NRCAM: variants seen among roughly 807,000 people sequenced by gnomAD.
NRCAM encodes the protein neuronal cell adhesion molecule, also known as NgCAM-related cell adhesion molecule.
In NRCAM, 83 loss-of-function variants were observed where a neutral mutation model predicts 156.5. The observed-to-expected ratio is 0.53, with a 90% confidence interval of 0.44 to 0.64. The LOEUF is 0.64. Among genes scored for constraint, NRCAM ranks in the 30% least tolerant of loss-of-function variants. The probability of loss-of-function intolerance (pLI) is 0.00; values close to 1 mark genes in which losing one functional copy is unlikely to be tolerated. For missense variants in NRCAM, 1,417 were observed against 1,597.3 expected, an observed-to-expected ratio of 0.89 and a Z score of 1.92; for synonymous variants, 538 against 563.9, an observed-to-expected ratio of 0.95 and a Z score of 0.65.
chr7:108,231,202 CA>C, intron 7 of NRCAM, 49 bp from the exon 8 acceptor site: 1 of 1,426,150 alleles, frequency 7.0e-7, no homozygotes, highest in Non-Finnish European at 9.4e-7. Context: ...TTGAAAAGTA[CA>C]AAAAGAAAGC....
chr7:108,169,019 A>G (rs1421638361), intron 28 of NRCAM, among the ~76,000 whole-genome samples: 1 of 152,232 alleles, frequency 6.6e-6, no homozygotes, highest in African/African-American at 2.4e-5. Flanking sequence ...GAGAAGCTGC[A>G]AAAGGAATTT....
intron 3 of NRCAM, among the ~76,000 whole-genome samples, chr7:108,260,637 G>A (rs1409841408): frequency 1.3e-5 from 2 of 152,130 alleles, no homozygotes; most frequent in Non-Finnish European, 2.9e-5. Flanking sequence ...TCTGGATTGT[G>A]CATTCCAGAG....
intron 3 of NRCAM, among the ~76,000 whole-genome samples, chr7:108,276,935 G>A (rs1356118605): frequency 3.3e-5 from 5 of 152,154 alleles, no homozygotes; most frequent in Non-Finnish European, 7.3e-5. Context: ...GCCTGGTGGT[G>A]ACAAAATCTC....
At chr7:108,402,066 C>T (rs2099794273) in intron 1 of NRCAM, among the ~76,000 whole-genome samples, 1 of 152,196 alleles carries the variant, frequency 6.6e-6, no homozygotes, top group Admixed American at 6.5e-5. Flanking sequence ...AAGTTCAGCT[C>T]AGGCAGCCAT....
At chr7:108,337,576 A>C (rs111680690) in intron 2 of NRCAM, among the ~76,000 whole-genome samples, 2,879 of 152,268 alleles carry the variant, frequency 0.019, 101 homozygotes, top group African/African-American at 0.064. Context: ...GTTCATCCTA[A>C]TTGAGCTGAA....
chr7:108,356,636 G>A (rs2099501177), intron 2 of NRCAM, among the ~76,000 whole-genome samples: 1 of 152,114 alleles, frequency 6.6e-6, no homozygotes, highest in African/African-American at 2.4e-5. Flanking sequence ...ACAGCCTGCC[G>A]AAATACAGCT....
chr7:108,156,896 A>G (rs2045831218), intron 32 of NRCAM, among the ~76,000 whole-genome samples: 1 of 152,298 alleles, frequency 6.6e-6, no homozygotes, highest in African/African-American at 2.4e-5. Context: ...AACTGTTTTC[A>G]TTAATTACAG....
At chr7:108,311,659 G>GT (rs1448680635) in intron 3 of NRCAM, among the ~76,000 whole-genome samples, 1 of 152,166 alleles carries the variant, frequency 6.6e-6, no homozygotes, top group African/African-American at 2.4e-5. Flanking sequence ...TTGAAACACT[G>GT]TAAGAACTAG....
intron 2 of NRCAM, among the ~76,000 whole-genome samples, chr7:108,383,140 A>T (rs891081366): frequency 2.1e-5 from 3 of 141,568 alleles, no homozygotes; most frequent in African/African-American, 5.4e-5. Context: ...ACACGCTCTC[A>T]CACACACACA....
chr7:108,387,208 C>A (rs2099743395), intron 2 of NRCAM, among the ~76,000 whole-genome samples: 1 of 152,136 alleles, frequency 6.6e-6, no homozygotes. Context: ...TTTCTTTAAT[C>A]ACTATAGTTT....
Position 108,442,308 on chromosome 7 carries a change from A to C in NRCAM, c.-332+13935T>G, listed in dbSNP as rs149550982. Among the ~76,000 whole-genome samples, 132 of 152,208 alleles carry C rather than the reference A, an allele frequency of 8.7e-4. 1 individual carries two copies. The highest frequency in any genetic ancestry group is 3.1e-3 in the African/African-American group (128 of 41,512). Reference sequence around the variant, plus strand: ...ATACTCTGCCATTCTGTGATGGAGGATCTCTTGGTCACAGGTGTATAACAC... The same window carrying C: ...ATACTCTGCCATTCTGTGATGGAGGCTCTCTTGGTCACAGGTGTATAACAC... On this transcript the variant is annotated intron_variant, in intron 1 of 32. Transcript: ENST00000379028.
Position 108,226,310 on chromosome 7 carries a change from C to G in NRCAM, c.619G>C (p.Val207Leu), listed in dbSNP as rs746432203. ...TCTTCGCGGGTGTCCTCTGGGAGGACATTGGAAAAATAAAGGTCCCCATTC... is the reference window on the plus strand; with the variant it reads ...TCTTCGCGGGTGTCCTCTGGGAGGAGATTGGAAAAATAAAGGTCCCCATTC... The part of the protein sequence containing the change: ...GLNGDLYFSN[V>L]LPEDTREDYI... Residue 207 changes from valine to leucine, a missense_variant, in exon 9 of 33, where the codon GTC (valine) becomes CTC (leucine). Val to Leu is a conservative substitution (Grantham distance 32, BLOSUM62 1). Transcript: ENST00000379028. The G allele has an allele frequency of 6.2e-7, 1 of 1,610,674 alleles. No individual in the cohort carries two copies. Among genetic ancestry groups the G allele is most frequent in the Non-Finnish European group, 8.5e-7 (1 of 1,177,296 alleles).
intron 11 of NRCAM, among the ~76,000 whole-genome samples, chr7:108,210,248 G>T (rs35969299): frequency 0.022 from 1,943 of 88,322 alleles, 42 homozygotes; most frequent in African/African-American, 0.065. Flanking sequence ...CCAATGTTTT[G>T]TTTTGTTTTT....
At chr7:108,216,494 T>C (rs1235644049) in intron 11 of NRCAM, among the ~76,000 whole-genome samples, 2 of 152,210 alleles carry the variant, frequency 1.3e-5, no homozygotes, top group South Asian at 2.1e-4. Flanking sequence ...CTGGATAATA[T>C]CCTGAAAAGT....
intron 3 of NRCAM, among the ~76,000 whole-genome samples, chr7:108,252,460 CA>C (rs2096405389): frequency 6.6e-6 from 1 of 152,174 alleles, no homozygotes; most frequent in Admixed American, 6.5e-5. Flanking sequence ...ACAAGCCTTG[CA>C]GAGAAAACAG....
At chr7:108,227,081 A>G (rs926146) in intron 8 of NRCAM, among the ~76,000 whole-genome samples, 63,518 of 152,102 alleles carry the variant, frequency 0.42, 14,321 homozygotes, top group African/African-American at 0.58. Flanking sequence ...CTCATCATAC[A>G]TATGACTTAT....
rs2064208565 is a variant in NRCAM at position 108,182,698 on chromosome 7, C to A, written c.2527G>T (p.Asp843Tyr). Reference protein sequence around the residue: ...PAVVMGHSGEDLPMVAPGNVR... With the variant: ...PAVVMGHSGEYLPMVAPGNVR... The stretch of plus-strand genomic sequence containing the variant: ...AGTAGGAAATGGCATCACTTACGGT[C>A]TTCTCCAGAATGTCCCATGACTACA... The change falls in exon 23 of 33, where the codon GAC becomes TAC. Residue 843 changes from aspartate to tyrosine, a missense_variant. Physicochemically the swap from Asp to Tyr is radical, Grantham distance 160 (BLOSUM62 -3). Coordinates refer to ENST00000379028, the MANE Select transcript of NRCAM (RefSeq NM_001037132.4). 3 of 1,613,882 alleles carry A rather than the reference C, an allele frequency of 1.9e-6. No homozygotes were observed. Among genetic ancestry groups the A allele is most frequent in the Non-Finnish European group, 1.7e-6 (2 of 1,179,862 alleles).
At chr7:108,166,276 C>CAA (rs1363985604) in intron 30 of NRCAM, among the ~76,000 whole-genome samples, 2 of 135,480 alleles carry the variant, frequency 1.5e-5, no homozygotes, top group Non-Finnish European at 3.1e-5. Flanking sequence ...GAGACGGAGT[C>CAA]TTACTCTGTC....
rs115777822 is a variant in NRCAM, at chr7:108,294,848, C to T, written c.-107+17817G>A. On this transcript the variant is annotated intron_variant, in intron 3 of 32. Coordinates refer to ENST00000379028, the MANE Select transcript of NRCAM (RefSeq NM_001037132.4). ...TGCTTAGTTTATACTTCCTGCCCCGCAGCCATCTCTGGTGCCAAGTTGTCT... is the reference window on the plus strand; with the variant it reads ...TGCTTAGTTTATACTTCCTGCCCCGTAGCCATCTCTGGTGCCAAGTTGTCT... 5.7e-3 allele frequency among the ~76,000 whole-genome samples: 858 copies of T among 150,932 alleles called. 8 individuals carry two copies. The highest frequency in any genetic ancestry group is 0.019 in the African/African-American group (800 of 41,454).
Sources: allele counts gnomAD v4.1 joint callset (sites outside exome capture counted in the v4.1 genomes callset), GRCh38; gene constraint gnomAD v4.1.1; transcripts MANE v1.5; gene names NCBI Gene and HGNC (gene_info 2026-07-23, HGNC 2026-07-21).